Variants in OR10A2 observed in about 807,000 individuals in gnomAD.
OR10A2 encodes olfactory receptor 10A2.
Under a neutral mutation model 13.7 loss-of-function variants are expected in OR10A2, and 15 were observed. The observed-to-expected ratio is 1.10, with a 90% CI of 0.73 to 1.69. The LOEUF (loss-of-function observed/expected upper bound fraction) is 1.69. Among genes scored for constraint, OR10A2 ranks in the 40% most tolerant of loss-of-function variants. OR10A2 has a pLI of 0.00. For missense variants in OR10A2, 343 were observed against 361.1 expected, an observed-to-expected ratio of 0.95 and a Z score of 0.41; for synonymous variants, 145 against 144.7, an observed-to-expected ratio of 1.00 and a Z score of -0.02.
intron 1 of OR10A2, among the ~76,000 whole-genome samples, chr11:6,865,108 T>C (rs889601951): frequency 5.3e-4 from 77 of 145,676 alleles, no homozygotes; most frequent in Admixed American, 3.8e-3. Flanking sequence ...AAAATATATA[T>C]TTATATATTT....
intron 1 of OR10A2, among the ~76,000 whole-genome samples, chr11:6,865,408 A>G (rs1305006452): frequency 6.6e-6 from 1 of 151,856 alleles, no homozygotes; most frequent in Non-Finnish European, 1.5e-5. Context: ...TTCTTCAAAA[A>G]TGACTTTAAA....
At chr11:6,864,569 G>A (rs1436515930) in intron 1 of OR10A2, among the ~76,000 whole-genome samples, 3 of 152,098 alleles carry the variant, frequency 2.0e-5, no homozygotes, top group Non-Finnish European at 4.4e-5. Flanking sequence ...AAGGATAGAG[G>A]AAAATAGAGA....
In OR10A2 at chr11:6,870,191, A is replaced by G. The variant is rs1440167157; in HGVS notation, c.437A>G (p.Gln146Arg). 1 of 1,614,118 alleles carries G rather than the reference A, an allele frequency of 6.2e-7. No homozygotes were observed. The highest frequency in any genetic ancestry group is 8.5e-7 in the Non-Finnish European group (1 of 1,180,054). The change falls in exon 2 of 2, where the codon CAG (glutamine) becomes CGG (arginine). Residue 146 changes from glutamine to arginine, a missense_variant. Gln to Arg is a conservative substitution (Grantham distance 43). Transcript: ENST00000641461. ...CCAGGCTTTCCTGTAGCTACTGTGCAGACCACATGGCTCTTCAGTTTTCCA... is the reference window on the plus strand; with the variant it reads ...CCAGGCTTTCCTGTAGCTACTGTGCGGACCACATGGCTCTTCAGTTTTCCA... ...WFPGFPVATV[Q>R]TTWLFSFPFC...
chr11:6,871,333 G>T lies in OR10A2; in HGVS notation c.*667G>T, dbSNP rs1394500910. 1 of 152,156 alleles carries T rather than the reference G, an allele frequency of 6.6e-6. No homozygotes were observed. Among genetic ancestry groups the T allele is most frequent in the African/African-American group, 2.4e-5 (1 of 41,420 alleles). The allele number at this position is 152,156 out of a possible 1,614,324, so 9.4% of individuals were successfully genotyped here. On this transcript the variant is annotated 3_prime_UTR_variant, in exon 2 of 2. Coordinates refer to ENST00000641461, the MANE Select transcript of OR10A2 (RefSeq NM_001004460.2). ...ATGGGGGCACACATAGTAACAGAGG[G>T]TAAAACCCAATAAAAATCATCTTGT...
rs1318720500 is a variant in OR10A2 at position 6,874,173 on chromosome 11, G to A, written c.*3507G>A. The A allele has an allele frequency of 6.6e-6, 1 of 152,064 alleles. No individual in the cohort carries two copies. The highest frequency in any genetic ancestry group is 2.1e-4 in the South Asian group (1 of 4,830). The allele number at this position is 152,064 out of a possible 1,614,324, so 9.4% of individuals were successfully genotyped here. On this transcript the variant is annotated 3_prime_UTR_variant, in exon 2 of 2. Transcript: ENST00000641461. Reference sequence around the variant, plus strand: ...TTTGTCTAAATTCCTTATGAATGGGGCTCACTGTACCTACTTTGTGTCTGT... The same window carrying A: ...TTTGTCTAAATTCCTTATGAATGGGACTCACTGTACCTACTTTGTGTCTGT...
At chr11:6,865,779 A>G (rs72920993) in intron 1 of OR10A2, among the ~76,000 whole-genome samples, 49,646 of 152,036 alleles carry the variant, frequency 0.33, 8,606 homozygotes, top group South Asian at 0.41. Flanking sequence ...GTTTTACAGG[A>G]GACATAATCA....
rs757268269 is a variant in OR10A2, at chr11:6,869,737, A to G, written c.-18A>G. The stretch of plus-strand genomic sequence containing the variant: ...TATAGCTACAGGAAACTGGACAAGA[A>G]TAAGTGAGTTTATCCTCATGAGCTT... On this transcript the variant is annotated 5_prime_UTR_variant, in exon 2 of 2. Transcript: ENST00000641461. The G allele has an allele frequency of 9.3e-6, 15 of 1,607,420 alleles. No individual in the cohort carries two copies. In the Admixed American group the frequency reaches 1.5e-4, roughly 16 times the overall value.
rs1290454346 is a variant in OR10A2, at chr11:6,873,730, T to C, written c.*3064T>C. On this transcript the variant is annotated 3_prime_UTR_variant, in exon 2 of 2. Coordinates refer to ENST00000641461, the MANE Select transcript of OR10A2 (RefSeq NM_001004460.2). The stretch of plus-strand genomic sequence containing the variant: ...GGCCATACGGAGTAATTGAAAGACA[T>C]TAAGCAGGTAAGTGACTTAACCAGA... 1 of 150,046 alleles carries C rather than the reference T, an allele frequency of 6.7e-6. No individual in the cohort carries two copies. The highest frequency in any genetic ancestry group is 2.1e-4 in the South Asian group (1 of 4,732). The allele number at this position is 150,046 out of a possible 1,614,324, so 9.3% of individuals were successfully genotyped here. A position where few individuals can be genotyped will look rare whatever the true frequency, so the allele number is the denominator to read the frequency against.
At position 6,873,866 on chromosome 11, in the gene OR10A2, A is replaced by G. The variant is rs1848460026; in HGVS notation, c.*3200A>G. 6.6e-6 allele frequency: 1 copy of G among 151,178 alleles called. No individual in the cohort carries two copies. The allele number at this position is 151,178 out of a possible 1,614,324, so 9.4% of individuals were successfully genotyped here. A position where few individuals can be genotyped will look rare whatever the true frequency, so the allele number is the denominator to read the frequency against. ...CAGAAGCAGGTTCCTACCATACTCT[A>G]GGCCAGAGAAAATAAATCCAGAACC... On this transcript the variant is annotated 3_prime_UTR_variant, in exon 2 of 2. Coordinates refer to ENST00000641461, the MANE Select transcript of OR10A2 (RefSeq NM_001004460.2).
intron 1 of OR10A2, among the ~76,000 whole-genome samples, chr11:6,863,662 T>C (rs1321090679): frequency 6.6e-6 from 1 of 152,110 alleles, no homozygotes; most frequent in Non-Finnish European, 1.5e-5. Context: ...ACAGGACATA[T>C]ACCCCCTTCA....
chr11:6,870,714 C>T lies in OR10A2; in HGVS notation c.*48C>T, dbSNP rs760237261. The stretch of plus-strand genomic sequence containing the variant: ...TTTACTGGATGAGAAACAATCAGTC[C>T]CAGATTTGAGATTCCTCTCTGCATC... On this transcript the variant is annotated 3_prime_UTR_variant, in exon 2 of 2. Transcript: ENST00000641461. 2.2e-6 allele frequency: 3 copies of T among 1,382,204 alleles called. No homozygotes were observed. In the African/African-American group the frequency reaches 4.3e-5, roughly 20 times the overall value. The allele number at this position is 1,382,204 out of a possible 1,614,324, so 85.6% of individuals were successfully genotyped here.
Position 6,870,947 on chromosome 11 carries a change from C to CTTTCTTTT in OR10A2, c.*284_*285insCTTTTTTT, listed in dbSNP as rs563516441. On this transcript the variant is annotated 3_prime_UTR_variant, in exon 2 of 2. Transcript: ENST00000641461. Reference sequence around the variant, plus strand: ...CCAACTATTTCCAGGTGTTATATTTCTTTTTTTTTTTTTTTTTGAGACGGA... The same window carrying CTTTCTTTT: ...CCAACTATTTCCAGGTGTTATATTTCTTTCTTTTTTTTTTTTTTTTTTTTTGAGACGGA... 7.3e-6 allele frequency: 1 copy of CTTTCTTTT among 136,438 alleles called. No homozygotes were observed. Among genetic ancestry groups the CTTTCTTTT allele is most frequent in the Non-Finnish European group, 1.5e-5 (1 of 68,240 alleles). The allele number at this position is 136,438 out of a possible 1,614,324, so 8.5% of individuals were successfully genotyped here.
At chr11:6,865,354 T>A (rs547865306) in intron 1 of OR10A2, among the ~76,000 whole-genome samples, 2 of 151,904 alleles carry the variant, frequency 1.3e-5, no homozygotes, top group African/African-American at 4.8e-5. Context: ...GTGTTATTTT[T>A]CATTTAATAT....
intron 1 of OR10A2, among the ~76,000 whole-genome samples, chr11:6,869,410 T>C (rs1334984349): frequency 1.3e-5 from 2 of 152,226 alleles, no homozygotes; most frequent in African/African-American, 2.4e-5. Context: ...CCAAAATGTA[T>C]CCTTTGATGG....
Position 6,870,703 on chromosome 11 carries a change from A to G in OR10A2, c.*37A>G. ...TAAGGCTACATTTTACTGGATGAGAAACAATCAGTCCCAGATTTGAGATTC... is the reference window on the plus strand; with the variant it reads ...TAAGGCTACATTTTACTGGATGAGAGACAATCAGTCCCAGATTTGAGATTC... On this transcript the variant is annotated 3_prime_UTR_variant, in exon 2 of 2. Transcript: ENST00000641461. 7.0e-7 allele frequency: 1 copy of G among 1,422,128 alleles called. No homozygotes were observed. Among genetic ancestry groups the G allele is most frequent in the Non-Finnish European group, 9.5e-7 (1 of 1,047,506 alleles). 88.1% of individuals were successfully genotyped at this position (1,422,128 alleles called of 1,614,324 possible).
intron 1 of OR10A2, among the ~76,000 whole-genome samples, chr11:6,867,940 GGGTTTCGCCACCTTGCTGA>G (rs1213941211): frequency 6.6e-6 from 1 of 151,854 alleles, no homozygotes; most frequent in South Asian, 2.1e-4. Context: ...TGTAGAGATG[GGGTTTCGCCACCTTGCTGA>G]GGCTGGTCTC....
intron 1 of OR10A2, among the ~76,000 whole-genome samples, chr11:6,865,502 TAGTC>T (rs755955996): frequency 3.3e-5 from 5 of 152,244 alleles, no homozygotes; most frequent in South Asian, 2.1e-4. Flanking sequence ...ATAACTATAA[TAGTC>T]AGCACTGAAC....
rs6578789 is a variant in OR10A2, at chr11:6,873,474, C to T, written c.*2808C>T. On this transcript the variant is annotated 3_prime_UTR_variant, in exon 2 of 2. Coordinates refer to ENST00000641461, the MANE Select transcript of OR10A2 (RefSeq NM_001004460.2). ...GGTAAAGAATTTGAAGTAAAGCAAA[C>T]AAGAATAACCCAAAACCTAAAGAAA... is the stretch of plus-strand genomic sequence containing the variant. The T allele has an allele frequency of 0.2, 31,176 of 152,102 alleles. 3,364 individuals are homozygous for T. The highest frequency in any genetic ancestry group is 0.24 in the Non-Finnish European group (16,166 of 67,988). The allele number at this position is 152,102 out of a possible 1,614,324, so 9.4% of individuals were successfully genotyped here.
At chr11:6,869,496 C>A in intron 1 of OR10A2, 127 bp from the exon 2 acceptor site, 1 of 501,112 alleles carries the variant, frequency 2.0e-6, no homozygotes, top group African/African-American at 1.9e-5. Context: ...AATATCAGCT[C>A]CTCTAGAAGC....
Sources: gnomAD v4.1 joint callset for allele counts (sites outside exome capture counted in the v4.1 genomes callset) on GRCh38, gnomAD v4.1.1 for gene constraint, MANE v1.5 for transcripts, NCBI Gene and HGNC (gene_info 2026-07-23, HGNC 2026-07-21) for gene names.